KCNIP4: variants seen among roughly 807,000 people sequenced by gnomAD.
KCNIP4 encodes the protein Kv channel-interacting protein 4.
KCNIP4 carries 12 observed loss-of-function variants against 34.0 expected under a neutral mutation model. The observed-to-expected ratio is 0.35, with a 90% CI of 0.23 to 0.57. KCNIP4 has a LOEUF of 0.57. Among genes scored for constraint, KCNIP4 ranks in the 20% least tolerant of loss-of-function variants. KCNIP4 has a pLI of 0.83. For missense variants in KCNIP4, 238 were observed against 311.7 expected (o/e 0.76, Z 1.78); for synonymous variants, 124 against 102.2 (o/e 1.21, Z -1.29).
chr4:21,365,091 G>A (rs1719610657), intron 1 of KCNIP4, among the ~76,000 whole-genome samples: 1 of 152,136 alleles, frequency 6.6e-6, no homozygotes, highest in Admixed American at 6.6e-5. Context: ...GGGTAAAAGG[G>A]AGATATTAAA....
At chr4:21,569,704 G>A (rs982576225) in intron 1 of KCNIP4, among the ~76,000 whole-genome samples, 3 of 152,072 alleles carry the variant, frequency 2.0e-5, no homozygotes, top group East Asian at 3.9e-4. Flanking sequence ...GGTTACTCGG[G>A]TGATTAAAGA....
chr4:21,172,038 T>C (rs900998361), intron 1 of KCNIP4, among the ~76,000 whole-genome samples: 1 of 152,152 alleles, frequency 6.6e-6, no homozygotes, highest in African/African-American at 2.4e-5. Context: ...TTTGTTTTGT[T>C]TTGTTTTGAG....
chr4:21,029,545 G>A (rs1740828606), intron 1 of KCNIP4, among the ~76,000 whole-genome samples: 1 of 152,200 alleles, frequency 6.6e-6, no homozygotes, highest in Non-Finnish European at 1.5e-5. Context: ...TTACTTTTGG[G>A]AAGTAGAGGT....
chr4:21,020,619 G>C (rs894351145), intron 1 of KCNIP4, among the ~76,000 whole-genome samples: 2 of 152,018 alleles, frequency 1.3e-5, no homozygotes, highest in African/African-American at 4.8e-5. Context: ...ATATGAGCTT[G>C]CTTTTTAAAA....
chr4:20,846,002 T>C (rs1241756808), intron 3 of KCNIP4, among the ~76,000 whole-genome samples: 1 of 152,220 alleles, frequency 6.6e-6, no homozygotes, highest in Non-Finnish European at 1.5e-5. Flanking sequence ...GAATGTTTTC[T>C]AAATCCATTT....
intron 1 of KCNIP4, among the ~76,000 whole-genome samples, chr4:21,195,736 A>G (rs1756006586): frequency 6.6e-6 from 1 of 152,114 alleles, no homozygotes; most frequent in African/African-American, 2.4e-5. Flanking sequence ...CACCTTCTAC[A>G]AGAAAATTGC....
intron 1 of KCNIP4, among the ~76,000 whole-genome samples, chr4:21,673,880 G>A (rs1047905231): frequency 1.3e-5 from 2 of 152,130 alleles, no homozygotes; most frequent in African/African-American, 4.8e-5. Context: ...CAGCGTTACT[G>A]AAGAACTAAA....
chr4:21,304,801 A>C (rs1286639228), intron 1 of KCNIP4, among the ~76,000 whole-genome samples: 1 of 152,142 alleles, frequency 6.6e-6, no homozygotes, highest in African/African-American at 2.4e-5. Context: ...GGAATAATAA[A>C]CTAATAAGTA....
At chr4:21,831,252 G>GA (rs200026575) in intron 1 of KCNIP4, among the ~76,000 whole-genome samples, 2,355 of 151,208 alleles carry the variant, frequency 0.016, 25 homozygotes, top group Non-Finnish European at 0.025. Flanking sequence ...AATCCAGGGG[G>GA]AAAAAAAATC....
chr4:20,860,401 G>A (rs543025374), intron 2 of KCNIP4, among the ~76,000 whole-genome samples: 6 of 152,198 alleles, frequency 3.9e-5, no homozygotes, highest in Non-Finnish European at 8.8e-5. Flanking sequence ...GCCTCCCGAA[G>A]TGCTGGGATT....
At chr4:21,754,040 C>T (rs534757104) in intron 1 of KCNIP4, among the ~76,000 whole-genome samples, 1 of 152,174 alleles carries the variant, frequency 6.6e-6, no homozygotes, top group Admixed American at 6.5e-5. Flanking sequence ...CAGAAGTGTG[C>T]CCTCCTTAGG....
intron 1 of KCNIP4, among the ~76,000 whole-genome samples, chr4:20,999,414 G>GTTT (rs5856594): frequency 8.4e-5 from 8 of 95,348 alleles, no homozygotes; most frequent in African/African-American, 3.3e-4. Context: ...TTGTGGTGGT[G>GTTT]TTTTTTTTTT....
chr4:21,130,701 G>C (rs1751001425), intron 1 of KCNIP4, among the ~76,000 whole-genome samples: 2 of 152,142 alleles, frequency 1.3e-5, no homozygotes, highest in African/African-American at 4.8e-5. Context: ...TGGCTGTGCT[G>C]TTTACAAATT....
chr4:21,731,501 T>C (rs1171644866), intron 1 of KCNIP4, among the ~76,000 whole-genome samples: 1 of 152,186 alleles, frequency 6.6e-6, no homozygotes, highest in Non-Finnish European at 1.5e-5. Flanking sequence ...TAGAAAGTTC[T>C]AGGAATATAT....
chr4:21,567,449 A>C (rs1739990446), intron 1 of KCNIP4, among the ~76,000 whole-genome samples: 1 of 152,036 alleles, frequency 6.6e-6, no homozygotes, highest in Non-Finnish European at 1.5e-5. Flanking sequence ...ATGAATTTGT[A>C]AAGGCCAGAA....
chr4:21,695,979 G>A (rs774311923), intron 1 of KCNIP4, among the ~76,000 whole-genome samples: 8 of 152,002 alleles, frequency 5.3e-5, no homozygotes, highest in Non-Finnish European at 7.4e-5. Flanking sequence ...GTAATCTAAA[G>A]GTGAAGACTG....
chr4:21,204,326 C>T (rs1373344331), intron 1 of KCNIP4, among the ~76,000 whole-genome samples: 1 of 152,104 alleles, frequency 6.6e-6, no homozygotes, highest in Admixed American at 6.6e-5. Flanking sequence ...TTCCTTGAGA[C>T]TTAGTTTGTT....
intron 1 of KCNIP4, among the ~76,000 whole-genome samples, chr4:21,533,162 A>G (rs1172441269): frequency 6.6e-6 from 1 of 152,086 alleles, no homozygotes; most frequent in African/African-American, 2.4e-5. Context: ...TCATGAAGGT[A>G]GCAATACTTC....
At chr4:21,409,261 C>T (rs1290439447) in intron 1 of KCNIP4, among the ~76,000 whole-genome samples, 1 of 148,048 alleles carries the variant, frequency 6.8e-6, no homozygotes, top group African/African-American at 2.5e-5. Context: ...TGTGTGCCAC[C>T]GTATCTGGTT....
Sources: allele counts gnomAD v4.1 joint callset (sites outside exome capture counted in the v4.1 genomes callset), GRCh38; gene constraint gnomAD v4.1.1; transcripts MANE v1.5; gene names NCBI Gene and HGNC (gene_info 2026-07-23, HGNC 2026-07-21).